MRPS35: variants seen among roughly 807,000 people sequenced by gnomAD.
MRPS35 encodes mitochondrial ribosomal protein S35.
A neutral mutation model predicts 32.7 loss-of-function variants in MRPS35; 29 were observed. The ratio of observed to expected loss-of-function variants is 0.89; its 90% CI spans 0.66 to 1.21. MRPS35 has a LOEUF of 1.21. Among genes scored for constraint, MRPS35 ranks in the 50% most tolerant of loss-of-function variants. The pLI, the probability that MRPS35 is intolerant of heterozygous loss-of-function variation, is 0.00. For synonymous variants in MRPS35, 148 were observed against 139.3 expected (o/e 1.06, Z -0.44); for missense variants, 373 against 383.8 (o/e 0.97, Z 0.23).
chr12:27,737,794 T>A (rs908185884), intron 7 of MRPS35, among the ~76,000 whole-genome samples, 186 bp downstream of exon 7: 1 of 152,198 alleles, frequency 6.6e-6, no homozygotes, highest in Non-Finnish European at 1.5e-5. Flanking sequence ...ATAGGATTAT[T>A]CAGTTCATCT....
intron 7 of MRPS35, among the ~76,000 whole-genome samples, chr12:27,745,921 T>C (rs1301416151): frequency 6.6e-6 from 1 of 152,216 alleles, no homozygotes; most frequent in Non-Finnish European, 1.5e-5. Flanking sequence ...CTGCATAGTA[T>C]TCCGTGGTGT....
intron 7 of MRPS35, among the ~76,000 whole-genome samples, chr12:27,753,590 A>C (rs552214014): frequency 6.6e-6 from 1 of 152,274 alleles, no homozygotes; most frequent in African/African-American, 2.4e-5. Flanking sequence ...GAGGTAGAAT[A>C]GTATTTCTGA....
intron 3 of MRPS35, 148 bp from the exon 4 acceptor site, chr12:27,719,660 G>A (rs1311583152): frequency 1.3e-5 from 7 of 528,752 alleles, no homozygotes; most frequent in Middle Eastern, 5.6e-4. Context: ...GCGACAGAGC[G>A]AGACTCTGTC....
At chr12:27,737,386 A>G (rs2061946617) in intron 6 of MRPS35, 153 bp from the exon 7 acceptor site, 1 of 647,538 alleles carries the variant, frequency 1.5e-6, no homozygotes, top group South Asian at 1.8e-5. Flanking sequence ...AATGAACTAC[A>G]AAGACTATTT....
At chr12:27,726,886 C>T (rs548172236) in intron 5 of MRPS35, among the ~76,000 whole-genome samples, 2 of 151,674 alleles carry the variant, frequency 1.3e-5, no homozygotes, top group South Asian at 4.2e-4. Context: ...CAGTCCCAGT[C>T]CCTTCTCAGA....
chr12:27,740,946 T>C (rs759655541), intron 7 of MRPS35, among the ~76,000 whole-genome samples: 1 of 152,026 alleles, frequency 6.6e-6, no homozygotes, highest in Non-Finnish European at 1.5e-5. Context: ...GCAGGCGGAT[T>C]GCCCGAGCTC....
At position 27,749,125 on chromosome 12, in the gene MRPS35, A is replaced by G. The variant is rs573293150; in HGVS notation, c.703-6056A>G. On this transcript the variant is annotated intron_variant, in intron 7 of 7. Coordinates refer to ENST00000081029, the MANE Select transcript of MRPS35 (RefSeq NM_021821.4). The stretch of plus-strand genomic sequence containing the variant: ...TGTTAATGGGCCATCTTTGGGTAAC[A>G]GAATTATGGATGATTTTTTTTTTCT... Among the ~76,000 whole-genome samples the G allele has an allele frequency of 9.5e-4, 109 of 114,814 alleles. 1 individual carries two copies. In the South Asian group the frequency reaches 0.026, roughly 27 times the overall value. The allele number at this position is 114,814 out of a possible 152,430, so 75.3% of individuals were successfully genotyped here. A position where few individuals can be genotyped will look rare whatever the true frequency, so the allele number is the denominator to read the frequency against.
intron 7 of MRPS35, among the ~76,000 whole-genome samples, chr12:27,743,898 C>T (rs1317636402): frequency 6.6e-6 from 1 of 152,182 alleles, no homozygotes; most frequent in Non-Finnish European, 1.5e-5. Flanking sequence ...AGGAAATTCC[C>T]TCCTGTCTCT....
rs55648817 is a variant in MRPS35 at position 27,734,738 on chromosome 12, C to T, written c.523-709C>T. Among the ~76,000 whole-genome samples, 1,391 of 152,272 alleles carry T rather than the reference C, an allele frequency of 9.1e-3. 11 individuals are homozygous for T. Among genetic ancestry groups the T allele is most frequent in the Non-Finnish European group, 0.014 (981 of 68,002 alleles). On this transcript the variant is annotated intron_variant, in intron 5 of 7. Coordinates refer to ENST00000081029, the MANE Select transcript of MRPS35 (RefSeq NM_021821.4). ...TGAGAATCATTGCATATTAACCCTGCATTTTGAAATTTCAAGATGCTTATT... is the reference window on the plus strand; with the variant it reads ...TGAGAATCATTGCATATTAACCCTGTATTTTGAAATTTCAAGATGCTTATT...
chr12:27,734,225 G>A (rs1229534191), intron 5 of MRPS35, among the ~76,000 whole-genome samples: 1 of 148,858 alleles, frequency 6.7e-6, no homozygotes, highest in Non-Finnish European at 1.5e-5. Context: ...ATTCTGGTGT[G>A]TAACCTAACC....
intron 1 of MRPS35, among the ~76,000 whole-genome samples, chr12:27,713,899 C>T (rs1024798466): frequency 1.3e-5 from 2 of 151,686 alleles, no homozygotes; most frequent in Non-Finnish European, 2.9e-5. Flanking sequence ...ACCAGCCTGG[C>T]AACATGGCGA....
intron 7 of MRPS35, among the ~76,000 whole-genome samples, chr12:27,741,092 CG>C (rs2061963146): frequency 6.6e-6 from 1 of 151,782 alleles, no homozygotes; most frequent in Admixed American, 6.6e-5. Flanking sequence ...CGCTTGAACC[CG>C]GGAGTCGGAG....
At chr12:27,722,409 C>CT (rs1376939749) in intron 4 of MRPS35, among the ~76,000 whole-genome samples, 1 of 152,018 alleles carries the variant, frequency 6.6e-6, no homozygotes, top group Admixed American at 6.6e-5. Context: ...TAATAGGAGT[C>CT]TATTATGTGT....
chr12:27,721,805 C>T (rs1352434546), intron 4 of MRPS35, among the ~76,000 whole-genome samples: 4 of 152,174 alleles, frequency 2.6e-5, no homozygotes, highest in Admixed American at 6.5e-5. Context: ...TGTGACAGGG[C>T]GTGGTAGCTC....
At chr12:27,712,753 A>G (rs2061833521) in intron 1 of MRPS35, among the ~76,000 whole-genome samples, 1 of 152,240 alleles carries the variant, frequency 6.6e-6, no homozygotes, top group Non-Finnish European at 1.5e-5. Context: ...GTGGGGGCTC[A>G]TTCCTGTAAT....
At chr12:27,746,785 C>T (rs2061983195) in intron 7 of MRPS35, among the ~76,000 whole-genome samples, 1 of 152,324 alleles carries the variant, frequency 6.6e-6, no homozygotes, top group African/African-American at 2.4e-5. Flanking sequence ...TTTCTTCCCT[C>T]TCTCCTGATA....
At chr12:27,737,783 A>G (rs1165012782) in intron 7 of MRPS35, among the ~76,000 whole-genome samples, 175 bp downstream of exon 7, 1 of 152,222 alleles carries the variant, frequency 6.6e-6, no homozygotes, top group Non-Finnish European at 1.5e-5. Flanking sequence ...AAGGTCTTGA[A>G]ATAGGATTAT....
chr12:27,755,170 T>A lies in MRPS35; in HGVS notation c.703-11T>A. On this transcript the variant is annotated splice_polypyrimidine_tract_variant and intron_variant, in intron 7 of 7. Coordinates refer to ENST00000081029, the MANE Select transcript of MRPS35 (RefSeq NM_021821.4). ...TCAGAACTCATTTTTTTTTGTTTTG[T>A]TTTGTTTCAGAATACTGAAGAATGG... 1.3e-6 allele frequency: 2 copies of A among 1,495,858 alleles called. No homozygotes were observed. Among genetic ancestry groups the A allele is most frequent in the African/African-American group, 1.4e-5 (1 of 69,628 alleles). The allele number at this position is 1,495,858 out of a possible 1,614,324, so 92.7% of individuals were successfully genotyped here.
At chr12:27,753,795 C>T (rs1409590513) in intron 7 of MRPS35, among the ~76,000 whole-genome samples, 1 of 152,180 alleles carries the variant, frequency 6.6e-6, no homozygotes, top group African/African-American at 2.4e-5. Context: ...TGATTTTTCA[C>T]AGACTGTTAC....
Sources: gnomAD v4.1 joint callset for allele counts (sites outside exome capture counted in the v4.1 genomes callset) on GRCh38, gnomAD v4.1.1 for gene constraint, MANE v1.5 for transcripts, NCBI Gene and HGNC (gene_info 2026-07-23, HGNC 2026-07-21) for gene names.